Variants in HACE1 observed in about 807,000 individuals in gnomAD.
HACE1 encodes E3 ubiquitin-protein ligase HACE1.
HACE1 carries 73 observed loss-of-function variants against 118.4 expected under a neutral mutation model. That is an observed-to-expected ratio of 0.62 (90% CI 0.51 to 0.75). HACE1 has a LOEUF of 0.75. HACE1 is among the 30% of genes least tolerant of loss of function. The pLI is 0.00. For synonymous variants in HACE1, 368 were observed against 374.8 expected, an observed-to-expected ratio of 0.98 and a Z score of 0.21; for missense variants, 749 against 1,102.2, an observed-to-expected ratio of 0.68 and a Z score of 4.54.
chr6:104,750,317 A>T (rs202113530), intron 20 of HACE1, 24 bp downstream of exon 20: 1 of 1,600,994 alleles, frequency 6.2e-7, no homozygotes. Context: ...GTGTTACAAC[A>T]TAAGAACTGA....
At chr6:104,823,932 C>A (rs1773051142) in intron 6 of HACE1, among the ~76,000 whole-genome samples, 1 of 152,168 alleles carries the variant, frequency 6.6e-6, no homozygotes, top group Admixed American at 6.6e-5. Flanking sequence ...CCAGTCATTT[C>A]TCTGAGGACA....
chr6:104,810,251 T>G (rs1266683280), intron 7 of HACE1, among the ~76,000 whole-genome samples: 1 of 152,018 alleles, frequency 6.6e-6, no homozygotes, highest in Non-Finnish European at 1.5e-5. Flanking sequence ...CAGAAAGATC[T>G]GGAAGTCTAG....
chr6:104,800,735 T>C (rs1289915162), intron 7 of HACE1, among the ~76,000 whole-genome samples: 1 of 151,872 alleles, frequency 6.6e-6, no homozygotes, highest in Non-Finnish European at 1.5e-5. Flanking sequence ...AGACCAAAGG[T>C]AGACAAAACC....
intron 7 of HACE1, among the ~76,000 whole-genome samples, chr6:104,809,655 C>CTTTT (rs34661839): frequency 3.1e-5 from 4 of 130,472 alleles, no homozygotes; most frequent in African/African-American, 8.3e-5. Flanking sequence ...AGAGCAGATT[C>CTTTT]TTTTTTTTTT....
intron 22 of HACE1, chr6:104,731,882 AT>A (rs1297628908): frequency 6.7e-6 from 1 of 149,446 alleles, no homozygotes; most frequent in African/African-American, 2.5e-5. Context: ...AAAAAAAAAA[AT>A]CCCGATTAAA....
At chr6:104,824,850 G>A (rs1166901186) in intron 6 of HACE1, 1 of 151,612 alleles carries the variant, frequency 6.6e-6, no homozygotes, top group African/African-American at 2.4e-5. Context: ...GAGGCGGGCA[G>A]ATCACGACGT....
chr6:104,798,807 T>C (rs1769979251), intron 7 of HACE1, among the ~76,000 whole-genome samples: 1 of 152,212 alleles, frequency 6.6e-6, no homozygotes, highest in Admixed American at 6.5e-5. Context: ...AGTGATACTT[T>C]TGCTAGTAGC....
chr6:104,806,548 G>A (rs1422519772), intron 7 of HACE1, among the ~76,000 whole-genome samples: 8 of 152,110 alleles, frequency 5.3e-5, no homozygotes, highest in South Asian at 2.1e-4. Context: ...TCTGCACAAC[G>A]CAGTTAGGGG....
At chr6:104,790,281 T>G (rs1782888796) in intron 11 of HACE1, among the ~76,000 whole-genome samples, 1 of 152,190 alleles carries the variant, frequency 6.6e-6, no homozygotes, top group East Asian at 1.9e-4. Flanking sequence ...TTTACCTTTT[T>G]GCAAAAATTT....
At chr6:104,818,236 G>GT (rs541017616) in intron 6 of HACE1, among the ~76,000 whole-genome samples, 276 of 152,172 alleles carry the variant, frequency 1.8e-3, no homozygotes, top group African/African-American at 5.9e-3. Context: ...AGAAAAACAA[G>GT]TATTTCAGTC....
intron 19 of HACE1, among the ~76,000 whole-genome samples, chr6:104,769,389 A>G (rs1780376631): frequency 6.6e-6 from 1 of 152,168 alleles, no homozygotes; most frequent in Non-Finnish European, 1.5e-5. Flanking sequence ...ATTCACAGAT[A>G]AGAATCATGT....
chr6:104,778,844 T>C lies in HACE1; in HGVS notation c.1567-1527A>G, dbSNP rs191452953. Reference sequence around the variant, plus strand: ...AAAGTAAGGTAAGATCTCTGCAAGATAGAACTTATGAATAGAAATAACTTA... The same window carrying C: ...AAAGTAAGGTAAGATCTCTGCAAGACAGAACTTATGAATAGAAATAACTTA... On this transcript the variant is annotated intron_variant, in intron 14 of 23. Transcript: ENST00000262903. Among the ~76,000 whole-genome samples the C allele has an allele frequency of 3.2e-3, 491 of 151,992 alleles. 3 individuals are homozygous for C. Among genetic ancestry groups the C allele is most frequent in the South Asian group, 5.4e-3 (26 of 4,818 alleles).
chr6:104,831,918 AAGAAGAGAAG>A lies in HACE1; in HGVS notation c.534+1114_534+1123del, dbSNP rs770162517. 2.1e-3 allele frequency among the ~76,000 whole-genome samples: 132 copies of A among 62,870 alleles called. 1 individual carries two copies. The highest frequency in any genetic ancestry group is 4.6e-3 in the South Asian group (5 of 1,076). 41.2% of individuals were successfully genotyped at this position (62,870 alleles called of 152,430 possible). ...AAAAAAGAGAGAGAAAGAAAAGAGA[AAGAAGAGAAG>A]AGAAGAGAAGAGAAGAGAAGAGAAG... On this transcript the variant is annotated intron_variant, in intron 6 of 23. Coordinates refer to ENST00000262903, the MANE Select transcript of HACE1 (RefSeq NM_020771.4).
intron 22 of HACE1, among the ~76,000 whole-genome samples, chr6:104,735,630 C>CAA (rs1158162519): frequency 7.7e-6 from 1 of 130,220 alleles, no homozygotes. Flanking sequence ...GACTCCGTCT[C>CAA]AAAAAAAAAA....
At chr6:104,825,103 A>AAAGAAATG (rs1163918789) in intron 6 of HACE1, among the ~76,000 whole-genome samples, 2 of 151,164 alleles carry the variant, frequency 1.3e-5, no homozygotes, top group African/African-American at 4.9e-5. Context: ...AAAAAGAAAG[A>AAAGAAATG]AAGAAATGCA....
At chr6:104,847,833 T>C (rs1163252912) in intron 4 of HACE1, among the ~76,000 whole-genome samples, 1 of 151,928 alleles carries the variant, frequency 6.6e-6, no homozygotes, top group Non-Finnish European at 1.5e-5. Flanking sequence ...TTTTTGATGT[T>C]TTGAGACAGA....
chr6:104,780,524 AGAG>A (rs1349077890), intron 14 of HACE1: 4 of 293,176 alleles, frequency 1.4e-5, no homozygotes, highest in East Asian at 9.4e-5. Flanking sequence ...TTAACTTTCT[AGAG>A]GAGGACAATC....
In HACE1 at chr6:104,784,092, T is replaced by C; in HGVS notation, c.1560A>G (p.Lys520=). The C allele has an allele frequency of 1.9e-6, 3 of 1,544,002 alleles. No individual in the cohort carries two copies. The highest frequency in any genetic ancestry group is 2.7e-6 in the Non-Finnish European group (3 of 1,116,334). ...GATGAAGAAAAATTTCTACCTGTGC[T>C]TTTATGATATGCATGAATCTTGACA... ...ELMSRFMHII[K]AQPFKDRCEW... Residue 520 remains lysine (K), a synonymous_variant, in exon 14 of 24, where the codon AAA becomes AAG. Coordinates refer to ENST00000262903, the MANE Select transcript of HACE1 (RefSeq NM_020771.4).
At chr6:104,736,709 C>A (rs1185800197) in intron 22 of HACE1, among the ~76,000 whole-genome samples, 2 of 151,910 alleles carry the variant, frequency 1.3e-5, no homozygotes, top group African/African-American at 2.4e-5. Context: ...AAATTATTTC[C>A]ATATTATCAT....
Sources: gnomAD v4.1 joint callset for allele counts (sites outside exome capture counted in the v4.1 genomes callset) on GRCh38, gnomAD v4.1.1 for gene constraint, MANE v1.5 for transcripts, NCBI Gene and HGNC (gene_info 2026-07-23, HGNC 2026-07-21) for gene names.